Variants in SND1 observed in about 807,000 individuals in gnomAD.
SND1 encodes staphylococcal nuclease and tudor domain containing 1, also known as staphylococcal nuclease domain-containing protein 1.
In SND1, 38 loss-of-function variants were observed where a neutral mutation model predicts 121.7. The ratio of observed to expected loss-of-function variants is 0.31; its 90% CI spans 0.24 to 0.41. The LOEUF (loss-of-function observed/expected upper bound fraction) is 0.41. Among genes scored for constraint, SND1 ranks in the 10% least tolerant of loss-of-function variants. The probability of loss-of-function intolerance (pLI) is 1.00; values close to 1 mark genes in which losing one functional copy is unlikely to be tolerated. For missense variants in SND1, 868 were observed against 1,184.6 expected (o/e 0.73, Z 3.92); for synonymous variants, 401 against 447.4 (o/e 0.90, Z 1.31).
intron 14 of SND1, among the ~76,000 whole-genome samples, chr7:127,917,037 C>T (rs1563057403): frequency 6.6e-6 from 1 of 152,314 alleles, no homozygotes; most frequent in East Asian, 1.9e-4. Flanking sequence ...GATGTGAGAT[C>T]CTTAACTGAA....
intron 18 of SND1, among the ~76,000 whole-genome samples, chr7:128,083,289 CA>C (rs536054148): frequency 6.6e-6 from 1 of 151,798 alleles, no homozygotes; most frequent in Non-Finnish European, 1.5e-5. Context: ...TGCCTTGGAG[CA>C]AAAAAAATGA....
intron 10 of SND1, among the ~76,000 whole-genome samples, chr7:127,735,935 T>C (rs1487285717): frequency 6.6e-6 from 1 of 152,126 alleles, no homozygotes; most frequent in East Asian, 1.9e-4. Context: ...CAGCCTGACC[T>C]GTATCTTTTA....
At chr7:128,053,664 A>T (rs1278155500) in intron 16 of SND1, among the ~76,000 whole-genome samples, 1 of 152,020 alleles carries the variant, frequency 6.6e-6, no homozygotes, top group Non-Finnish European at 1.5e-5. Flanking sequence ...GGGGACTTAC[A>T]AAACCCACAA....
intron 13 of SND1, among the ~76,000 whole-genome samples, chr7:127,900,392 A>G (rs1800204928): frequency 6.6e-6 from 1 of 151,964 alleles, no homozygotes; most frequent in Non-Finnish European, 1.5e-5. Context: ...GTGCTCAGAC[A>G]TCCAGCTTGG....
At chr7:127,704,665 C>T (rs564373801) in intron 7 of SND1, among the ~76,000 whole-genome samples, 174 bp from the exon 8 acceptor site, 44 of 152,298 alleles carry the variant, frequency 2.9e-4, no homozygotes, top group African/African-American at 1.1e-3. Context: ...AGTGGCATCT[C>T]TCCCATCTTA....
chr7:128,091,935 C>T (rs367696281), intron 23 of SND1, 54 bp downstream of exon 23: 21 of 1,613,924 alleles, frequency 1.3e-5, no homozygotes, highest in Middle Eastern at 3.3e-4. Context: ...GGGTTTGGCC[C>T]TCTGAGTTCC....
At chr7:128,007,623 A>G (rs1384236063) in intron 16 of SND1, among the ~76,000 whole-genome samples, 1 of 152,266 alleles carries the variant, frequency 6.6e-6, no homozygotes, top group Admixed American at 6.5e-5. Context: ...AAGATGGAAG[A>G]AGGCAAAGCA....
chr7:127,867,604 A>T (rs112576993), intron 12 of SND1, among the ~76,000 whole-genome samples: 6 of 152,164 alleles, frequency 3.9e-5, no homozygotes, highest in Non-Finnish European at 5.9e-5. Flanking sequence ...AACTCCCAGT[A>T]TGTAATTACC....
rs185207942 is a variant in SND1 at position 128,038,954 on chromosome 7, C to T, written c.1780-35548C>T. On this transcript the variant is annotated intron_variant, in intron 16 of 23. Coordinates refer to ENST00000354725, the MANE Select transcript of SND1 (RefSeq NM_014390.4). ...TTGCTTAAAATGCCCCAGTGTCTTCCTCTCATAGTTTGAATAACAACCATA... is the reference window on the plus strand; with the variant it reads ...TTGCTTAAAATGCCCCAGTGTCTTCTTCTCATAGTTTGAATAACAACCATA... 4.6e-5 allele frequency among the ~76,000 whole-genome samples: 7 copies of T among 152,284 alleles called. No individual in the cohort carries two copies. The East Asian group carries it at 1.3e-3, about 29-fold the overall frequency.
At chr7:128,035,437 A>G (rs368161382) in intron 16 of SND1, among the ~76,000 whole-genome samples, 19 of 152,338 alleles carry the variant, frequency 1.2e-4, no homozygotes, top group African/African-American at 4.3e-4. Context: ...CCAGCTACTA[A>G]AAAGACACAT....
chr7:127,819,374 GGAATATCCAAA>G (rs1431867165), intron 11 of SND1, among the ~76,000 whole-genome samples: 1 of 152,074 alleles, frequency 6.6e-6, no homozygotes, highest in East Asian at 1.9e-4. Context: ...TTCTTAATTT[GGAATATCCAAA>G]GGATACTTTT....
chr7:128,050,926 C>G (rs985749634), intron 16 of SND1, among the ~76,000 whole-genome samples: 4 of 152,262 alleles, frequency 2.6e-5, no homozygotes, highest in Admixed American at 6.5e-5. Flanking sequence ...GAGCTCTTTT[C>G]TGTGTCGTCT....
intron 16 of SND1, among the ~76,000 whole-genome samples, chr7:128,011,724 T>C (rs1253717126): frequency 1.3e-5 from 2 of 152,200 alleles, no homozygotes; most frequent in Non-Finnish European, 2.9e-5. Flanking sequence ...AGGAATAACT[T>C]TGATAATTTT....
chr7:127,716,301 G>A (rs1269310045), intron 9 of SND1, among the ~76,000 whole-genome samples: 3 of 152,146 alleles, frequency 2.0e-5, no homozygotes, highest in African/African-American at 7.2e-5. Context: ...CTTTTGGGTA[G>A]TATTGACATC....
At chr7:127,797,495 A>G (rs1445881124) in intron 10 of SND1, among the ~76,000 whole-genome samples, 2 of 152,220 alleles carry the variant, frequency 1.3e-5, no homozygotes, top group Admixed American at 1.3e-4. Context: ...CCTCTAGGAA[A>G]AGTAGCATAG....
chr7:127,660,949 C>T (rs1323641978), intron 1 of SND1, among the ~76,000 whole-genome samples: 1 of 152,084 alleles, frequency 6.6e-6, no homozygotes, highest in African/African-American at 2.4e-5. Context: ...AAAAAAAAGC[C>T]ACTCCTAGGC....
intron 9 of SND1, among the ~76,000 whole-genome samples, chr7:127,709,976 G>A (rs1239498054): frequency 6.6e-6 from 1 of 151,782 alleles, no homozygotes; most frequent in Non-Finnish European, 1.5e-5. Flanking sequence ...CTATGACTTG[G>A]CCTTGTTTTG....
rs1464956839 is a variant in SND1, at chr7:127,904,729, T to A, written c.1455-18T>A. ...TGTGATTCTTGTTTTAATCGGTTTT[T>A]CTCTTCTTCCTTAACAGAGCTATTA... is the stretch of plus-strand genomic sequence containing the variant. On this transcript the variant is annotated intron_variant, in intron 13 of 23. Transcript: ENST00000354725. 2 of 1,576,526 alleles carry A rather than the reference T, an allele frequency of 1.3e-6. No individual in the cohort carries two copies. Among genetic ancestry groups the A allele is most frequent in the African/African-American group, 2.7e-5 (2 of 74,150 alleles).
chr7:127,943,348 A>G (rs1406651875), intron 15 of SND1, among the ~76,000 whole-genome samples: 2 of 152,208 alleles, frequency 1.3e-5, no homozygotes, highest in Admixed American at 1.3e-4. Flanking sequence ...TTCATTTTCC[A>G]TAAATAAAAA....
Sources: gnomAD v4.1 joint callset for allele counts (sites outside exome capture counted in the v4.1 genomes callset) on GRCh38, gnomAD v4.1.1 for gene constraint, MANE v1.5 for transcripts, NCBI Gene and HGNC (gene_info 2026-07-23, HGNC 2026-07-21) for gene names.